SKAP1: variants seen among roughly 807,000 people sequenced by gnomAD.
The protein encoded by SKAP1 is src kinase-associated phosphoprotein 1.
A neutral mutation model predicts 58.5 loss-of-function variants in SKAP1; 44 were observed. That is an observed-to-expected ratio of 0.75 (90% CI 0.59 to 0.97). The LOEUF is 0.97. SKAP1 is among the 50% of genes least tolerant of loss of function. The pLI, the probability that SKAP1 is intolerant of heterozygous loss-of-function variation, is 0.00. For synonymous variants in SKAP1, 127 were observed against 149.7 expected (o/e 0.85, Z 1.11); for missense variants, 390 against 435.2 (o/e 0.90, Z 0.92).
chr17:48,162,607 C>G (rs778232516), intron 10 of SKAP1, 38 bp from the exon 11 acceptor site: 38 of 1,531,074 alleles, frequency 2.5e-5, no homozygotes, highest in Non-Finnish European at 3.4e-5. Flanking sequence ...TAAAAGGACT[C>G]TATTTTTTCC....
chr17:48,399,233 G>A (rs143597502), intron 1 of SKAP1, among the ~76,000 whole-genome samples: 1 of 152,220 alleles, frequency 6.6e-6, no homozygotes, highest in East Asian at 1.9e-4. Context: ...GAAATGGGAA[G>A]CTGAATTAAA....
intron 4 of SKAP1, among the ~76,000 whole-genome samples, chr17:48,241,864 AG>A (rs2065246941): frequency 6.6e-6 from 1 of 152,144 alleles, no homozygotes; most frequent in Non-Finnish European, 1.5e-5. Context: ...CTGTCCCAAA[AG>A]CACTTATTCT....
chr17:48,309,728 T>C (rs1056070257), intron 4 of SKAP1, among the ~76,000 whole-genome samples: 1 of 152,218 alleles, frequency 6.6e-6, no homozygotes, highest in Non-Finnish European at 1.5e-5. Context: ...CATTTTTAAA[T>C]ACCTGCTATA....
intron 4 of SKAP1, among the ~76,000 whole-genome samples, chr17:48,325,248 CAAAAAAAAAAAAAAAAA>C (rs200281665): frequency 2.0e-4 from 18 of 91,452 alleles, no homozygotes; most frequent in Admixed American, 2.4e-4. Context: ...GACTCCGTCT[CAAAAAAAAAAAAAAAAA>C]AAAAAAAAAA....
At chr17:48,395,916 T>G (rs929116245) in intron 2 of SKAP1, among the ~76,000 whole-genome samples, 18 of 152,128 alleles carry the variant, frequency 1.2e-4, no homozygotes, top group African/African-American at 4.3e-4. Flanking sequence ...CCACGCAAAT[T>G]AAATCCCAAC....
chr17:48,193,337 C>T (rs78957401), intron 4 of SKAP1, among the ~76,000 whole-genome samples: 3,275 of 152,256 alleles, frequency 0.022, 114 homozygotes, highest in African/African-American at 0.075. Context: ...GCCACCGCAC[C>T]CGGTCTATGT....
intron 1 of SKAP1, among the ~76,000 whole-genome samples, chr17:48,427,694 A>C (rs554833523): frequency 5.2e-5 from 7 of 134,466 alleles, no homozygotes; most frequent in African/African-American, 2.0e-4. Context: ...AAATAAATAA[A>C]TGCTTAAGTT....
intron 4 of SKAP1, chr17:48,193,837 C>A (rs2064585015): frequency 1.7e-6 from 1 of 603,914 alleles, no homozygotes; most frequent in East Asian, 1.4e-4. Flanking sequence ...GTAAAATATG[C>A]TTTAAAGGAC....
chr17:48,180,127 G>T lies in SKAP1; in HGVS notation c.753C>A (p.Ile251=). The T allele has an allele frequency of 6.2e-7, 1 of 1,613,922 alleles. No homozygotes were observed. Among genetic ancestry groups the T allele is most frequent in the South Asian group, 1.1e-5 (1 of 91,046 alleles). Residue 251 remains isoleucine (I), a synonymous_variant, in exon 9 of 13, where the codon ATC becomes ATA. Transcript: ENST00000336915. ...CTTTTATCCCCACACTCCCAGGCAA[G>T]ATAGTGGGTCTGCACTGGGAACCAC... is the stretch of plus-strand genomic sequence containing the variant. ...PSCGSQCRPT[I]LPGSVGIKEP...
At chr17:48,305,642 G>A (rs1193482120) in intron 4 of SKAP1, among the ~76,000 whole-genome samples, 2 of 152,118 alleles carry the variant, frequency 1.3e-5, no homozygotes, top group African/African-American at 4.8e-5. Context: ...AACAATAATG[G>A]TACTTATCTG....
intron 10 of SKAP1, among the ~76,000 whole-genome samples, chr17:48,165,148 A>T (rs1321497340): frequency 6.6e-6 from 1 of 152,190 alleles, no homozygotes; most frequent in Non-Finnish European, 1.5e-5. Context: ...GCTGTGTGTA[A>T]TAGGGAATCT....
At chr17:48,289,660 A>G (rs1445539852) in intron 4 of SKAP1, among the ~76,000 whole-genome samples, 1 of 152,134 alleles carries the variant, frequency 6.6e-6, no homozygotes, top group African/African-American at 2.4e-5. Context: ...AAAAATGAAA[A>G]TACAGAAAAG....
chr17:48,428,213 A>G (rs2067874489), intron 1 of SKAP1, among the ~76,000 whole-genome samples: 1 of 152,178 alleles, frequency 6.6e-6, no homozygotes, highest in Non-Finnish European at 1.5e-5. Flanking sequence ...TTAAAGAAAT[A>G]CATTAACCAA....
chr17:48,225,307 A>G (rs12939334), intron 4 of SKAP1, among the ~76,000 whole-genome samples: 16,983 of 152,218 alleles, frequency 0.11, 1,015 homozygotes, highest in East Asian at 0.18. Flanking sequence ...AGGACTGAAT[A>G]TAGCAGGGAG....
chr17:48,318,866 G>C (rs2066323382), intron 4 of SKAP1, among the ~76,000 whole-genome samples: 1 of 151,976 alleles, frequency 6.6e-6, no homozygotes, highest in Admixed American at 6.6e-5. Context: ...CTTGCTTCAG[G>C]GAAAAACAAT....
At chr17:48,305,003 G>A (rs1440931127) in intron 4 of SKAP1, among the ~76,000 whole-genome samples, 2 of 152,144 alleles carry the variant, frequency 1.3e-5, no homozygotes, top group Admixed American at 1.3e-4. Flanking sequence ...ATAGTATAGT[G>A]CAGGGATTGT....
At chr17:48,433,871 G>A (rs1038006809), upstream of SKAP1, among the ~76,000 whole-genome samples, 22 of 152,160 alleles carry the variant, frequency 1.4e-4, no homozygotes, top group Admixed American at 9.2e-4. Context: ...GTGGGCACTC[G>A]CTAAATAGGC....
intron 4 of SKAP1, among the ~76,000 whole-genome samples, chr17:48,206,910 G>T (rs1177121224): frequency 6.6e-6 from 1 of 152,196 alleles, no homozygotes; most frequent in Non-Finnish European, 1.5e-5. Flanking sequence ...TCCCACTTTA[G>T]CCTCCCAAGG....
chr17:48,365,497 T>C (rs2066990387), intron 2 of SKAP1, among the ~76,000 whole-genome samples: 1 of 152,158 alleles, frequency 6.6e-6, no homozygotes, highest in African/African-American at 2.4e-5. Flanking sequence ...TCCATCAGCA[T>C]TTATGCTCAT....
Sources: allele counts gnomAD v4.1 joint callset (sites outside exome capture counted in the v4.1 genomes callset), GRCh38; gene constraint gnomAD v4.1.1; transcripts MANE v1.5; gene names NCBI Gene and HGNC (gene_info 2026-07-23, HGNC 2026-07-21).